Variants in RASSF5 observed in about 807,000 individuals in gnomAD.
RASSF5 encodes Ras association domain family member 5.
RASSF5 carries 25 observed loss-of-function variants against 40.5 expected under a neutral mutation model. That is an observed-to-expected ratio of 0.62 (90% CI 0.45 to 0.86). The LOEUF (loss-of-function observed/expected upper bound fraction) is 0.86. RASSF5 is among the 40% of genes least tolerant of loss of function. The pLI is 0.00. For synonymous variants in RASSF5, 246 were observed against 252.4 expected (o/e 0.97, Z 0.24); for missense variants, 521 against 572.8 (o/e 0.91, Z 0.92).
rs531000730 is a variant in RASSF5 at position 206,579,308 on chromosome 1, T to C, written c.580-3961T>C. Among the ~76,000 whole-genome samples the C allele has an allele frequency of 6.0e-4, 91 of 152,248 alleles. No homozygotes were observed. The Middle Eastern group carries it at 9.5e-3, about 16-fold the overall frequency. On this transcript the variant is annotated intron_variant, in intron 2 of 5. Transcript: ENST00000579436. The surrounding 1 kb of genome is among the most constrained non-coding windows in gnomAD (Gnocchi z 4.2). ...GAGACACCTCACATGCCAATGTCTA[T>C]ATTTGTTAAATCATAACAGAGTTCC...
chr1:206,507,820 C>T lies in RASSF5; in HGVS notation c.218C>T (p.Pro73Leu), dbSNP rs1305805960. The T allele has an allele frequency of 6.4e-6, 9 of 1,407,868 alleles. No individual in the cohort carries two copies. The African/African-American group carries it at 1.1e-4, about 17-fold the overall frequency. The allele number at this position is 1,407,868 out of a possible 1,614,324, so 87.2% of individuals were successfully genotyped here. ...RRAARGNLEP[P>L]PRASRPARPL... Reference sequence around the variant, plus strand: ...GCTGCCCGGGGGAACCTGGAGCCCCCGCCCCGGGCCTCCCGACCCGCTCGC... The same window carrying T: ...GCTGCCCGGGGGAACCTGGAGCCCCTGCCCCGGGCCTCCCGACCCGCTCGC... Residue 73 changes from proline to leucine, a missense_variant, in exon 1 of 6, where the codon CCG becomes CTG. Physicochemically the swap from Pro to Leu is moderately conservative, Grantham distance 98 (BLOSUM62 -3). Coordinates refer to ENST00000579436, the MANE Select transcript of RASSF5 (RefSeq NM_182663.4).
chr1:206,570,345 C>T (rs751640463), intron 2 of RASSF5, among the ~76,000 whole-genome samples: 4 of 152,002 alleles, frequency 2.6e-5, no homozygotes, highest in South Asian at 2.1e-4. Context: ...CTTCCTGCCT[C>T]GGCCTCCCTA....
intron 1 of RASSF5, chr1:206,529,171 G>A (rs1302279902): frequency 5.3e-6 from 8 of 1,495,964 alleles, no homozygotes; most frequent in South Asian, 2.6e-5. Flanking sequence ...GCCCTGGACC[G>A]CCAAACAGCT....
At chr1:206,567,980 C>T (rs1437889993) in intron 2 of RASSF5, among the ~76,000 whole-genome samples, 3 of 152,074 alleles carry the variant, frequency 2.0e-5, no homozygotes, top group Non-Finnish European at 4.4e-5. Flanking sequence ...GAAGTTGGAC[C>T]CAAGTAATCT....
Position 206,507,564 on chromosome 1 carries a change from C to T in RASSF5, c.-39C>T. ...GCTGGCTCGGGAGTAGCGCAGTCGC[C>T]AAAGCCGCCGCTGCCAAAGCTGCCG... On this transcript the variant is annotated 5_prime_UTR_variant, in exon 1 of 6. Coordinates refer to ENST00000579436, the MANE Select transcript of RASSF5 (RefSeq NM_182663.4). The T allele has an allele frequency of 6.9e-7, 1 of 1,442,722 alleles. No individual in the cohort carries two copies. The allele number at this position is 1,442,722 out of a possible 1,614,324, so 89.4% of individuals were successfully genotyped here.
At chr1:206,565,481 T>C (rs1285045915) in intron 2 of RASSF5, among the ~76,000 whole-genome samples, 2 of 152,218 alleles carry the variant, frequency 1.3e-5, no homozygotes, top group Non-Finnish European at 2.9e-5. Context: ...GAATGTTGTG[T>C]TTTTAACTTT....
intron 3 of RASSF5, 147 bp downstream of exon 3, chr1:206,583,526 G>C (rs1668980063): frequency 1.6e-6 from 1 of 635,932 alleles, no homozygotes; most frequent in Admixed American, 2.6e-5. Context: ...GGGTCTGGAA[G>C]GCTGATAGCC....
intron 2 of RASSF5, among the ~76,000 whole-genome samples, chr1:206,555,608 C>T (rs1453418012): frequency 6.6e-6 from 1 of 152,232 alleles, no homozygotes; most frequent in African/African-American, 2.4e-5. Flanking sequence ...CCCCTGCAAA[C>T]ACCCGGTAGC....
chr1:206,578,908 T>A (rs890906729), intron 2 of RASSF5, among the ~76,000 whole-genome samples: 1 of 152,138 alleles, frequency 6.6e-6, no homozygotes, highest in South Asian at 2.1e-4. Context: ...GTTGCTTTAG[T>A]GATAAAATAA....
intron 2 of RASSF5, among the ~76,000 whole-genome samples, chr1:206,539,323 G>A (rs750041206): frequency 7.2e-4 from 109 of 152,232 alleles, no homozygotes; most frequent in Non-Finnish European, 1.2e-3. Flanking sequence ...TGTCTCTGAC[G>A]GAAAATCTCA....
chr1:206,584,459 G>A lies in RASSF5; in HGVS notation c.763G>A (p.Gly255Arg), dbSNP rs1669023377. Residue 255 changes from glycine (G) to arginine (R), a missense_variant, in exon 4 of 6, where the codon GGG (glycine) becomes AGG (arginine). By Grantham distance (125) the Gly-to-Arg change is moderately radical (BLOSUM62 -2). Around this residue, in one of 2 missense-constraint regions of RASSF5, gnomAD observed 284 missense variants for 360.8 expected, o/e 0.79. Transcript: ENST00000579436. The surrounding 1 kb of genome is among the most constrained non-coding windows in gnomAD (Gnocchi z 4.9). ...CCGGCGGCCTGTGACGGTGCCTGCT[G>A]GGATCCGGCCCCAGTCCATCTATGA... ...KLRRPVTVPA[G>R]IRPQSIYDAI... 1 of 1,614,168 alleles carries A rather than the reference G, an allele frequency of 6.2e-7. No homozygotes were observed. The highest frequency in any genetic ancestry group is 8.5e-7 in the Non-Finnish European group (1 of 1,180,042).
rs1479131424 is a variant in RASSF5, at chr1:206,588,653, A to AC, written c.*1679dup. Reference sequence around the variant, plus strand: ...GCCCCTGATCCCAGAAGGAATGCTGACCCCTCGTCGTATGAACTGTGCATA... The same window carrying AC: ...GCCCCTGATCCCAGAAGGAATGCTGACCCCCTCGTCGTATGAACTGTGCATA... On this transcript the variant is annotated 3_prime_UTR_variant, in exon 6 of 6. Coordinates refer to ENST00000579436, the MANE Select transcript of RASSF5 (RefSeq NM_182663.4). 2 of 152,346 alleles carry AC rather than the reference A, an allele frequency of 1.3e-5. No homozygotes were observed. Among genetic ancestry groups the AC allele is most frequent in the East Asian group, 1.9e-4 (1 of 5,302 alleles). 9.4% of individuals were successfully genotyped at this position (152,346 alleles called of 1,614,324 possible).
chr1:206,585,193 ACT>A lies in RASSF5; in HGVS notation c.1006_1007del (p.Ser336HisfsTer3). ...CTTGGTTTGCAGTGCTCTTCCAGAA[ACT>A]CTCCATTGCTGACCGCCCCCTCTAC... The part of the protein sequence containing the change: ...HKDGQVLFQK[L>X]SIADRPLYLR... On this transcript the variant is annotated frameshift_variant, in exon 5 of 6. Transcript: ENST00000579436. LOFTEE classifies it high-confidence loss of function. 6.2e-7 allele frequency: 1 copy of A among 1,611,364 alleles called. No homozygotes were observed.
At chr1:206,578,232 AAGTGTGTGTGTGTGTGTGT>A (rs1159827248) in intron 2 of RASSF5, among the ~76,000 whole-genome samples, 1 of 130,422 alleles carries the variant, frequency 7.7e-6, no homozygotes, top group Non-Finnish European at 1.6e-5. Context: ...CAAAAAAAAA[AAGTGTGTGTGTGTGTGTGT>A]GTGTGTGTGT....
intron 1 of RASSF5, among the ~76,000 whole-genome samples, chr1:206,536,487 G>A (rs975094042): frequency 5.3e-5 from 8 of 152,002 alleles, no homozygotes; most frequent in African/African-American, 9.7e-5. Flanking sequence ...GGCAAAACCC[G>A]TGCAAGAAAC....
chr1:206,548,312 C>T (rs2103531392), intron 2 of RASSF5, among the ~76,000 whole-genome samples: 1 of 152,286 alleles, frequency 6.6e-6, no homozygotes, highest in East Asian at 1.9e-4. Context: ...GGCTTCTGAT[C>T]AGGACCTCAG....
intron 2 of RASSF5, among the ~76,000 whole-genome samples, chr1:206,582,031 G>GA (rs1558522849): frequency 6.6e-6 from 1 of 152,176 alleles, no homozygotes; most frequent in African/African-American, 2.4e-5. Context: ...TACCAAAGGA[G>GA]AATCCTGATC....
At chr1:206,586,727 A>G in intron 5 of RASSF5, 99 bp from the exon 6 acceptor site, 1 of 908,634 alleles carries the variant, frequency 1.1e-6, no homozygotes, top group Non-Finnish European at 1.7e-6. Flanking sequence ...CACGGATGTG[A>G]ACTGGGAAGG....
intron 2 of RASSF5, among the ~76,000 whole-genome samples, chr1:206,565,888 G>T (rs1361168174): frequency 1.3e-5 from 2 of 152,232 alleles, no homozygotes; most frequent in Non-Finnish European, 2.9e-5. Flanking sequence ...GCCTCCTGGA[G>T]CTGGAGGAGA....
Sources: gnomAD v4.1 joint callset for allele counts (sites outside exome capture counted in the v4.1 genomes callset) on GRCh38, gnomAD v4.1.1 for gene constraint, gnomAD v4.1.1 regional missense constraint, Gnocchi (gnomAD v3.1) non-coding constraint, MANE v1.5 for transcripts, NCBI Gene and HGNC (gene_info 2026-07-23, HGNC 2026-07-21) for gene names.